Variants in TEX2 observed in about 807,000 individuals in gnomAD.
The protein encoded by TEX2 is testis expressed 2.
In TEX2, 53 loss-of-function variants were observed where a neutral mutation model predicts 106.9. The observed-to-expected ratio is 0.50, with a 90% confidence interval of 0.40 to 0.62. TEX2 has a LOEUF of 0.62. Ranked by LOEUF, TEX2 falls within the 20% of genes least tolerant of loss-of-function variation. The pLI is 0.00. For missense variants in TEX2, 1,207 were observed against 1,379.0 expected (o/e 0.88, Z 1.98); for synonymous variants, 523 against 534.8 (o/e 0.98, Z 0.30).
chr17:64,231,005 A>G (rs2033642750), intron 1 of TEX2, among the ~76,000 whole-genome samples: 2 of 152,246 alleles, frequency 1.3e-5, no homozygotes, highest in Admixed American at 1.3e-4. Context: ...TAGACTTTCC[A>G]GACTTGTCTT....
At chr17:64,173,532 G>A (rs1466082004) in intron 6 of TEX2, among the ~76,000 whole-genome samples, 1 of 152,108 alleles carries the variant, frequency 6.6e-6, no homozygotes, top group Admixed American at 6.5e-5. Flanking sequence ...CTGATTTTTT[G>A]TGGAGGGGAT....
intron 4 of TEX2, among the ~76,000 whole-genome samples, chr17:64,191,817 CAAAAAAAAAAAAAA>C (rs58376086): frequency 3.3e-5 from 4 of 119,916 alleles, no homozygotes; most frequent in South Asian, 2.6e-4. Context: ...GACTCCATCT[CAAAAAAAAAAAAAA>C]AAAAAAAAAA....
At chr17:64,155,070 G>A (rs962477758) in intron 8 of TEX2, 103 bp from the exon 9 acceptor site, 5 of 1,322,394 alleles carry the variant, frequency 3.8e-6, no homozygotes, top group East Asian at 2.9e-5. Flanking sequence ...CAACAGGGTC[G>A]GGATGTAACT....
intron 8 of TEX2, 74 bp from the exon 9 acceptor site, chr17:64,155,041 A>C: frequency 6.9e-7 from 1 of 1,439,348 alleles, no homozygotes; most frequent in Non-Finnish European, 9.1e-7. Flanking sequence ...ACACACACCC[A>C]TGCACACACA....
chr17:64,165,600 G>C (rs1052839343), intron 7 of TEX2, among the ~76,000 whole-genome samples: 2 of 152,352 alleles, frequency 1.3e-5, no homozygotes, highest in Middle Eastern at 3.4e-3. Flanking sequence ...CTTGAAGCAC[G>C]TGTGGCAGGA....
chr17:64,154,957 G>T lies in TEX2; in HGVS notation c.2815C>A (p.Arg939=). 6.3e-7 allele frequency: 1 copy of T among 1,589,340 alleles called. No homozygotes were observed. ...GEIGKEGCRP[R]AFCLADSDEE... ...TCGCTGTCCGCCAGACAGAATGCCC[G>T]GGGCCTGCAACTGGACAGAGAGAGA... Residue 939 remains arginine (R), a synonymous_variant, in exon 9 of 12, where the codon CGG becomes AGG. Transcript: ENST00000584379.
At position 64,148,099 on chromosome 17, in the gene TEX2, TAACA is replaced by T. The variant is rs1380381208; in HGVS notation, c.*866_*869del. ...GCCCATGGAACTCTCCCAATCAGAT[TAACA>T]AACTGTTTCGATTCCCATATAAACC... On this transcript the variant is annotated 3_prime_UTR_variant, in exon 12 of 12. Coordinates refer to ENST00000584379, the MANE Select transcript of TEX2 (RefSeq NM_001288732.2). The T allele has an allele frequency of 2.0e-5, 3 of 152,494 alleles. No individual in the cohort carries two copies. The highest frequency in any genetic ancestry group is 4.8e-5 in the African/African-American group (2 of 41,428). 9.4% of individuals were successfully genotyped at this position (152,494 alleles called of 1,614,324 possible).
intron 1 of TEX2, among the ~76,000 whole-genome samples, chr17:64,226,502 C>T (rs2033508825): frequency 6.6e-6 from 1 of 152,190 alleles, no homozygotes; most frequent in South Asian, 2.1e-4. Context: ...CAGAGTAAAA[C>T]TTCCCCTTAG....
chr17:64,184,912 A>C (rs189551990), intron 5 of TEX2, among the ~76,000 whole-genome samples: 1 of 152,210 alleles, frequency 6.6e-6, no homozygotes, highest in Non-Finnish European at 1.5e-5. Flanking sequence ...TAAATTGGAT[A>C]TATAGCTTCA....
intron 1 of TEX2, among the ~76,000 whole-genome samples, chr17:64,262,804 G>A (rs1485339250): frequency 6.6e-6 from 1 of 152,198 alleles, no homozygotes; most frequent in Non-Finnish European, 1.5e-5. Context: ...GGGGCGGCAG[G>A]AACCCGGGGC....
chr17:64,219,298 G>T (rs1200214454), intron 1 of TEX2, among the ~76,000 whole-genome samples: 4 of 152,052 alleles, frequency 2.6e-5, no homozygotes, highest in African/African-American at 9.7e-5. Flanking sequence ...TTGAGGTCAG[G>T]AATTCGAGAC....
At chr17:64,254,138 T>A (rs568324405) in intron 1 of TEX2, among the ~76,000 whole-genome samples, 1 of 152,308 alleles carries the variant, frequency 6.6e-6, no homozygotes, top group East Asian at 1.9e-4. Flanking sequence ...CAGCTTGAGT[T>A]CTTTTCACTC....
chr17:64,180,714 T>A (rs2031820003), intron 5 of TEX2, among the ~76,000 whole-genome samples: 1 of 152,186 alleles, frequency 6.6e-6, no homozygotes, highest in Non-Finnish European at 1.5e-5. Flanking sequence ...AAAAATGGCT[T>A]CCAAATAAGT....
chr17:64,152,602 A>T (rs1293347141), intron 10 of TEX2, among the ~76,000 whole-genome samples: 1 of 152,268 alleles, frequency 6.6e-6, no homozygotes, highest in African/African-American at 2.4e-5. Context: ...GGCCAGGCAG[A>T]GAATAAAGGC....
In TEX2 at chr17:64,195,647, G is replaced by A. The variant is rs895094219; in HGVS notation, c.1645-552C>T. Among the ~76,000 whole-genome samples, 2 of 152,116 alleles carry A rather than the reference G, an allele frequency of 1.3e-5. No individual in the cohort carries two copies. Among genetic ancestry groups the A allele is most frequent in the African/African-American group, 2.4e-5 (1 of 41,420 alleles). Reference sequence around the variant, plus strand: ...TTGAGAATTAGGCATTAAATACATCGTAAATATAATCAATAATATATCAAA... The same window carrying A: ...TTGAGAATTAGGCATTAAATACATCATAAATATAATCAATAATATATCAAA... On this transcript the variant is annotated intron_variant, in intron 2 of 11. Coordinates refer to ENST00000584379, the MANE Select transcript of TEX2 (RefSeq NM_001288732.2). This position sits in a 1 kb window ranked among gnomAD's most constrained non-coding sequence, Gnocchi z 4.1.
intron 2 of TEX2, among the ~76,000 whole-genome samples, chr17:64,196,656 T>C (rs1476976870): frequency 6.6e-6 from 1 of 152,198 alleles, no homozygotes; most frequent in African/African-American, 2.4e-5. Context: ...GTGGACTGTA[T>C]TGTCAGAGCA....
At chr17:64,163,292 C>CATAT (rs200088218) in intron 7 of TEX2, among the ~76,000 whole-genome samples, 3 of 151,732 alleles carry the variant, frequency 2.0e-5, no homozygotes, top group African/African-American at 7.3e-5. Context: ...GCCCGGCTAA[C>CATAT]ATATATATAT....
chr17:64,242,391 T>G (rs926358507), intron 1 of TEX2: 1 of 152,214 alleles, frequency 6.6e-6, no homozygotes, highest in East Asian at 1.9e-4. Flanking sequence ...GGAAAATACA[T>G]TTCTTTTAGG....
At chr17:64,204,432 C>T (rs2032764977) in intron 2 of TEX2, among the ~76,000 whole-genome samples, 1 of 152,194 alleles carries the variant, frequency 6.6e-6, no homozygotes, top group Non-Finnish European at 1.5e-5. Context: ...CAGAGTCTTA[C>T]TGATAATTTC....
Sources: gnomAD v4.1 joint callset for allele counts (sites outside exome capture counted in the v4.1 genomes callset) on GRCh38, gnomAD v4.1.1 for gene constraint, Gnocchi (gnomAD v3.1) non-coding constraint, MANE v1.5 for transcripts, NCBI Gene and HGNC (gene_info 2026-07-23, HGNC 2026-07-21) for gene names.